Variants in RILP observed in about 807,000 individuals in gnomAD.
RILP encodes rab-interacting lysosomal protein.
RILP carries 53 observed loss-of-function variants against 40.0 expected under a neutral mutation model. The ratio of observed to expected loss-of-function variants is 1.32; its 90% CI spans 1.06 to 1.66. The LOEUF (loss-of-function observed/expected upper bound fraction) is 1.66. Among genes scored for constraint, RILP ranks in the 40% most tolerant of loss-of-function variants. RILP has a pLI of 0.00. For synonymous variants in RILP, 272 were observed against 250.6 expected (o/e 1.09, Z -0.80); for missense variants, 626 against 551.7 (o/e 1.13, Z -1.35).
rs374832672 is a variant in RILP, at chr17:1,647,933, G to A, written c.846C>T (p.Val282=). 6.2e-7 allele frequency: 1 copy of A among 1,614,144 alleles called. No homozygotes were observed. The highest frequency in any genetic ancestry group is 2.2e-5 in the East Asian group (1 of 44,884). The part of the protein sequence containing the change: ...FQRELLTDHR[V]PGLLLEAMKV... ...TCATGGCCTCGAGCAGAAGGCCGGG[G>A]ACCCGGTGGTCTGTGAGCAGCTCCC... The change falls in exon 6 of 8, where the codon GTC becomes GTT. Residue 282 remains valine (V), a synonymous_variant. Coordinates refer to ENST00000301336, the MANE Select transcript of RILP (RefSeq NM_031430.3).
Position 1,646,934 on chromosome 17 carries a change from G to C in RILP, c.1000C>G (p.Pro334Ala). Residue 334 changes from proline to alanine, a missense_variant, in exon 7 of 8, where the codon CCA becomes GCA. Pro to Ala is a conservative substitution (Grantham distance 27). Coordinates refer to ENST00000301336, the MANE Select transcript of RILP (RefSeq NM_031430.3). The surrounding 1 kb of genome is among the most constrained non-coding windows in gnomAD (Gnocchi z 4.3). Reference sequence around the variant, plus strand: ...CTCTGTATTTTGGACTCCGGGGGTGGGGGATGGTCTCCCTTGTCATCGGAG... The same window carrying C: ...CTCTGTATTTTGGACTCCGGGGGTGCGGGATGGTCTCCCTTGTCATCGGAG... ...LLSDDKGDHP[P>A]PPESKIQSFF... 6.2e-7 allele frequency: 1 copy of C among 1,608,406 alleles called. No individual in the cohort carries two copies. The highest frequency in any genetic ancestry group is 8.5e-7 in the Non-Finnish European group (1 of 1,177,054).
rs905293094 is a variant in RILP, at chr17:1,647,087, G to A, written c.945-98C>T. On this transcript the variant is annotated intron_variant, in intron 6 of 7. Transcript: ENST00000301336. ...GGGATGGAGGGACTGCAGGGCCCCC[G>A]GGGCTGGAGAGAAGGCAACCCTGGG... The A allele has an allele frequency of 5.5e-5, 39 of 707,620 alleles. No individual in the cohort carries two copies. The East Asian group carries it at 7.5e-4, about 14-fold the overall frequency. 43.8% of individuals were successfully genotyped at this position (707,620 alleles called of 1,614,324 possible). A position where few individuals can be genotyped will look rare whatever the true frequency, so the allele number is the denominator to read the frequency against.
chr17:1,649,856 C>A lies in RILP; in HGVS notation c.-52G>T, dbSNP rs114286466. The A allele has an allele frequency of 1.9e-3, 2,717 of 1,404,826 alleles. 33 individuals are homozygous for A. The African/African-American group carries it at 0.033, about 17-fold the overall frequency. 87.0% of individuals were successfully genotyped at this position (1,404,826 alleles called of 1,614,324 possible). On this transcript the variant is annotated 5_prime_UTR_variant, in exon 1 of 8. Transcript: ENST00000301336. The surrounding 1 kb of genome is among the most constrained non-coding windows in gnomAD (Gnocchi z 4.3). Reference sequence around the variant, plus strand: ...CCCCCCACCCCACCCTCCACTGGGACGGGGAAAAGCGAAACAGTTCCGCCC... The same window carrying A: ...CCCCCCACCCCACCCTCCACTGGGAAGGGGAAAAGCGAAACAGTTCCGCCC...
At position 1,646,478 on chromosome 17, in the gene RILP, G is replaced by T; in HGVS notation, c.1170C>A (p.His390Gln). 11 of 1,604,976 alleles carry T rather than the reference G, an allele frequency of 6.9e-6. No homozygotes were observed. The highest frequency in any genetic ancestry group is 9.4e-6 in the Non-Finnish European group (11 of 1,176,160). ...PDPPCSALHE[H>Q]LCLGASAAPE... is the part of the protein sequence containing the mutation. ...GGGCGGCTGAGGCCCCCAGACAAAGGTGTTCGTGGAGGGCAGAACAGGGCG... is the reference window on the plus strand; with the variant it reads ...GGGCGGCTGAGGCCCCCAGACAAAGTTGTTCGTGGAGGGCAGAACAGGGCG... Residue 390 changes from histidine (H) to glutamine (Q), a missense_variant, in exon 8 of 8, where the codon CAC becomes CAA. His to Gln is a conservative substitution (Grantham distance 24). Coordinates refer to ENST00000301336, the MANE Select transcript of RILP (RefSeq NM_031430.3). This position sits in a 1 kb window ranked among gnomAD's most constrained non-coding sequence, Gnocchi z 4.3.
chr17:1,649,211 C>G lies in RILP; in HGVS notation c.418G>C (p.Glu140Gln). The G allele has an allele frequency of 2.8e-6, 4 of 1,429,158 alleles. No homozygotes were observed. Among genetic ancestry groups the G allele is most frequent in the South Asian group, 2.6e-5 (2 of 78,298 alleles). The allele number at this position is 1,429,158 out of a possible 1,614,324, so 88.5% of individuals were successfully genotyped here. The change falls in exon 3 of 8, where the codon GAG (glutamate) becomes CAG (glutamine). Residue 140 changes from glutamate to glutamine, a missense_variant. By Grantham distance (29) the Glu-to-Gln change is conservative. Transcript: ENST00000301336. This position sits in a 1 kb window ranked among gnomAD's most constrained non-coding sequence, Gnocchi z 4.3. Reference protein sequence around the residue: ...HNRDLRQRGQETEALQEQLQR... With the variant: ...HNRDLRQRGQQTEALQEQLQR... The stretch of plus-strand genomic sequence containing the variant: ...CGCCCCGCCCTCACCGCCTCGGTCT[C>G]CTGGCCGCGCTGCCGCAGGTCGCGG...
rs1274271830 is a variant in RILP at position 1,648,907 on chromosome 17, C to T, written c.567G>A (p.Gln189=). 6.6e-6 allele frequency: 10 copies of T among 1,524,620 alleles called. No homozygotes were observed. The South Asian group carries it at 8.5e-5, about 13-fold the overall frequency. 94.4% of individuals were successfully genotyped at this position (1,524,620 alleles called of 1,614,324 possible). ...CCTGCCCCCGCGCTCGCTCTTTAGCCTGCGGAGTCGCGGCTTCGCCAGGCT... is the reference window on the plus strand; with the variant it reads ...CCTGCCCCCGCGCTCGCTCTTTAGCTTGCGGAGTCGCGGCTTCGCCAGGCT... ...RQQPGEAATP[Q]AKERARGQAG... is the part of the protein sequence containing the mutation. The change falls in exon 4 of 8, where the codon CAG becomes CAA. Residue 189 remains glutamine, a synonymous_variant. Transcript: ENST00000301336. The surrounding 1 kb of genome is among the most constrained non-coding windows in gnomAD (Gnocchi z 4.9).
chr17:1,647,396 T>C (rs1910672385), intron 6 of RILP, among the ~76,000 whole-genome samples: 1 of 152,132 alleles, frequency 6.6e-6, no homozygotes, highest in Admixed American at 6.6e-5. Context: ...CACCTTAGCC[T>C]CTCAAAGTGC....
chr17:1,648,832 G>A lies in RILP; in HGVS notation c.642C>T (p.Ala214=), dbSNP rs1414820198. The A allele has an allele frequency of 2.0e-6, 3 of 1,534,892 alleles. No homozygotes were observed. The highest frequency in any genetic ancestry group is 1.4e-5 in the African/African-American group (1 of 71,654). The change falls in exon 4 of 8, where the codon GCC becomes GCT. Residue 214 remains alanine, a synonymous_variant. Coordinates refer to ENST00000301336, the MANE Select transcript of RILP (RefSeq NM_031430.3). This position sits in a 1 kb window ranked among gnomAD's most constrained non-coding sequence, Gnocchi z 4.9. ...CAGGGTTCCCTGGGGCGCCTGCGCCGGCGGTCGCCCATTCGGGCTCCTGTC... is the reference window on the plus strand; with the variant it reads ...CAGGGTTCCCTGGGGCGCCTGCGCCAGCGGTCGCCCATTCGGGCTCCTGTC... ...QHGQEPEWAT[A]GAGAPGNPED...
In RILP at chr17:1,646,437, CTAAG is replaced by C. The variant is rs749286950; in HGVS notation, c.*1_*4del. On this transcript the variant is annotated 3_prime_UTR_variant, in exon 8 of 8. Transcript: ENST00000301336. The surrounding 1 kb of genome is among the most constrained non-coding windows in gnomAD (Gnocchi z 4.3). The stretch of plus-strand genomic sequence containing the variant: ...CACACATCCTTCCACAGCCAGACCC[CTAAG>C]TCAGGCCTCTGGGGCGGCTGAGGCC... 1 of 1,562,776 alleles carries C rather than the reference CTAAG, an allele frequency of 6.4e-7. No individual in the cohort carries two copies. Among genetic ancestry groups the C allele is most frequent in the Non-Finnish European group, 8.6e-7 (1 of 1,156,184 alleles).
chr17:1,646,316 G>A lies in RILP; in HGVS notation c.*126C>T, dbSNP rs1910560327. The A allele has an allele frequency of 3.5e-6, 3 of 857,160 alleles. No homozygotes were observed. In the Admixed American group the frequency reaches 8.7e-5, roughly 25 times the overall value. The allele number at this position is 857,160 out of a possible 1,614,324, so 53.1% of individuals were successfully genotyped here. ...TCGGTACAGAGACGTAGAGAGGGAG[G>A]CGGGCTGAGACCCCGTCCTGCCCTG... On this transcript the variant is annotated 3_prime_UTR_variant, in exon 8 of 8. Coordinates refer to ENST00000301336, the MANE Select transcript of RILP (RefSeq NM_031430.3). The surrounding 1 kb of genome is among the most constrained non-coding windows in gnomAD (Gnocchi z 4.3).
chr17:1,648,714 T>G lies in RILP; in HGVS notation c.675+85A>C. ...TCCCCGCTTCCTGGCCGACCTGCTG[T>G]GCAGCATGCAAACCTTGCTTGAGTG... On this transcript the variant is annotated intron_variant, in intron 4 of 7. Transcript: ENST00000301336. The surrounding 1 kb of genome is among the most constrained non-coding windows in gnomAD (Gnocchi z 4.9). 7.0e-7 allele frequency: 1 copy of G among 1,436,122 alleles called. No individual in the cohort carries two copies. Among genetic ancestry groups the G allele is most frequent in the Non-Finnish European group, 9.1e-7 (1 of 1,097,996 alleles). The allele number at this position is 1,436,122 out of a possible 1,614,324, so 89.0% of individuals were successfully genotyped here. A position where few individuals can be genotyped will look rare whatever the true frequency, so the allele number is the denominator to read the frequency against.
rs1054831569 is a variant in RILP at position 1,646,345 on chromosome 17, CAGGCCAGGATT to C, written c.*86_*96del. The C allele has an allele frequency of 1.6e-6, 2 of 1,249,976 alleles. No individual in the cohort carries two copies. The highest frequency in any genetic ancestry group is 3.0e-5 in the African/African-American group (2 of 66,142). The allele number at this position is 1,249,976 out of a possible 1,614,324, so 77.4% of individuals were successfully genotyped here. Reference sequence around the variant, plus strand: ...GCTGAGACCCCGTCCTGCCCTGATGCAGGCCAGGATTGGGGCAGACCCCTGGCGAGGGCTGT... The same window carrying C: ...GCTGAGACCCCGTCCTGCCCTGATGCGGGGCAGACCCCTGGCGAGGGCTGT... On this transcript the variant is annotated 3_prime_UTR_variant, in exon 8 of 8. Transcript: ENST00000301336. The surrounding 1 kb of genome is among the most constrained non-coding windows in gnomAD (Gnocchi z 4.3).
rs894952205 is a variant in RILP, at chr17:1,648,259, C to T, written c.821+91G>A. ...CAATTCATGTCCTCCCAGTTCCCAG[C>T]GCAGGCCTGGCACATGTCACTGTGG... On this transcript the variant is annotated intron_variant, in intron 5 of 7. Transcript: ENST00000301336. The surrounding 1 kb of genome is among the most constrained non-coding windows in gnomAD (Gnocchi z 4.9). 5 of 1,483,732 alleles carry T rather than the reference C, an allele frequency of 3.4e-6. No individual in the cohort carries two copies. Among genetic ancestry groups the T allele is most frequent in the Non-Finnish European group, 4.6e-6 (5 of 1,093,548 alleles). 91.9% of individuals were successfully genotyped at this position (1,483,732 alleles called of 1,614,324 possible).
Position 1,646,380 on chromosome 17 carries a change from G to C in RILP, c.*62C>G. On this transcript the variant is annotated 3_prime_UTR_variant, in exon 8 of 8. Coordinates refer to ENST00000301336, the MANE Select transcript of RILP (RefSeq NM_031430.3). This position sits in a 1 kb window ranked among gnomAD's most constrained non-coding sequence, Gnocchi z 4.3. ...TTGGGGCAGACCCCTGGCGAGGGCT[G>C]TGAAGGCGGGAGCCCTGTCCTCATT... is the stretch of plus-strand genomic sequence containing the variant. 6.8e-7 allele frequency: 1 copy of C among 1,475,370 alleles called. No individual in the cohort carries two copies. The highest frequency in any genetic ancestry group is 2.3e-5 in the East Asian group (1 of 43,122). The allele number at this position is 1,475,370 out of a possible 1,614,324, so 91.4% of individuals were successfully genotyped here.
rs1910811244 is a variant in RILP, at chr17:1,649,210, TC to T, written c.418del (p.Glu140ArgfsTer15). The T allele has an allele frequency of 4.5e-6, 6 of 1,338,972 alleles. No homozygotes were observed. Among genetic ancestry groups the T allele is most frequent in the Non-Finnish European group, 5.8e-6 (6 of 1,027,548 alleles). The allele number at this position is 1,338,972 out of a possible 1,614,324, so 82.9% of individuals were successfully genotyped here. On this transcript the variant is annotated frameshift_variant, in exon 3 of 8. Coordinates refer to ENST00000301336, the MANE Select transcript of RILP (RefSeq NM_031430.3). LOFTEE classifies it high-confidence loss of function. This position sits in a 1 kb window ranked among gnomAD's most constrained non-coding sequence, Gnocchi z 4.3. ...CCGCCCCGCCCTCACCGCCTCGGTC[TC>T]CTGGCCGCGCTGCCGCAGGTCGCGG... ...HNRDLRQRGQ[E>X]TEALQEQLQR...
At position 1,649,538 on chromosome 17, in the gene RILP, G is replaced by A. The variant is rs777190341; in HGVS notation, c.229-33C>T. The A allele has an allele frequency of 2.0e-6, 3 of 1,508,266 alleles. No individual in the cohort carries two copies. Among genetic ancestry groups the A allele is most frequent in the Non-Finnish European group, 2.6e-6 (3 of 1,135,256 alleles). The allele number at this position is 1,508,266 out of a possible 1,614,324, so 93.4% of individuals were successfully genotyped here. ...GACCCGGGTCTCAGGCTTCGGCCCT[G>A]CCGGCCCCGTGGGTGGCGAAGGGAG... On this transcript the variant is annotated intron_variant, in intron 1 of 7. Coordinates refer to ENST00000301336, the MANE Select transcript of RILP (RefSeq NM_031430.3). This position sits in a 1 kb window ranked among gnomAD's most constrained non-coding sequence, Gnocchi z 4.3.
At position 1,648,381 on chromosome 17, in the gene RILP, G is replaced by GTTCCTCCTT. The variant is rs771380285; in HGVS notation, c.789_790insAAGGAGGAA (p.Phe263_Leu264insLysGluGlu). 1 of 1,614,086 alleles carries GTTCCTCCTT rather than the reference G, an allele frequency of 6.2e-7. No individual in the cohort carries two copies. Among genetic ancestry groups the GTTCCTCCTT allele is most frequent in the Non-Finnish European group, 8.5e-7 (1 of 1,179,992 alleles). On this transcript the variant is annotated inframe_insertion, in exon 5 of 8. Transcript: ENST00000301336. The surrounding 1 kb of genome is among the most constrained non-coding windows in gnomAD (Gnocchi z 4.9). ...AAGTAGGCCAGTTCCTCCTTGAGCA[G>GTTCCTCCTT]GAACACTTTGGCTTTGAGTTCATTC...
chr17:1,649,048 G>A lies in RILP; in HGVS notation c.430-4C>T, dbSNP rs535480064. The A allele has an allele frequency of 2.7e-5, 36 of 1,353,090 alleles. No homozygotes were observed. In the African/African-American group the frequency reaches 4.8e-4, roughly 18 times the overall value. The allele number at this position is 1,353,090 out of a possible 1,614,324, so 83.8% of individuals were successfully genotyped here. On this transcript the variant is annotated splice_region_variant and splice_polypyrimidine_tract_variant and intron_variant, in intron 3 of 7. Coordinates refer to ENST00000301336, the MANE Select transcript of RILP (RefSeq NM_031430.3). The surrounding 1 kb of genome is among the most constrained non-coding windows in gnomAD (Gnocchi z 4.3). ...GGCGCTGCAGCTGCTCCTGCAACTG[G>A]GAGCGGAGCAAAGGGTGGGGTGGGC... is the stretch of plus-strand genomic sequence containing the variant.
Position 1,649,247 on chromosome 17 carries a change from G to A in RILP, c.382C>T (p.Arg128Trp), listed in dbSNP as rs775941616. 2 of 1,343,500 alleles carry A rather than the reference G, an allele frequency of 1.5e-6. No homozygotes were observed. The highest frequency in any genetic ancestry group is 2.3e-5 in the Admixed American group (1 of 43,986). The allele number at this position is 1,343,500 out of a possible 1,614,324, so 83.2% of individuals were successfully genotyped here. A position where few individuals can be genotyped will look rare whatever the true frequency, so the allele number is the denominator to read the frequency against. Reference protein sequence around the residue: ...EVTDRQRDELRAHNRDLRQRG... With the variant: ...EVTDRQRDELWAHNRDLRQRG... ...TGCCGCAGGTCGCGGTTGTGCGCCC[G>A]GAGTTCGTCCCGCTGTCGGTCCGTG... is the stretch of plus-strand genomic sequence containing the variant. Residue 128 changes from arginine to tryptophan, a missense_variant, in exon 3 of 8, where the codon CGG (arginine) becomes TGG (tryptophan). Arg to Trp is a moderately radical substitution (Grantham distance 101). Transcript: ENST00000301336. This position sits in a 1 kb window ranked among gnomAD's most constrained non-coding sequence, Gnocchi z 4.3.
Sources: gnomAD v4.1 joint callset for allele counts (sites outside exome capture counted in the v4.1 genomes callset) on GRCh38, gnomAD v4.1.1 for gene constraint, Gnocchi (gnomAD v3.1) non-coding constraint, MANE v1.5 for transcripts, NCBI Gene and HGNC (gene_info 2026-07-23, HGNC 2026-07-21) for gene names.